Variants in PRKN observed in about 807,000 individuals in gnomAD.
PRKN encodes E3 ubiquitin-protein ligase parkin.
PRKN carries 56 observed loss-of-function variants against 59.5 expected under a neutral mutation model. That is an observed-to-expected ratio of 0.94 (90% CI 0.76 to 1.18). The LOEUF is 1.18. PRKN is among the 50% of genes most tolerant of loss of function. The pLI, the probability that PRKN is intolerant of heterozygous loss-of-function variation, is 0.00. For synonymous variants in PRKN, 250 were observed against 222.1 expected, an observed-to-expected ratio of 1.13 and a Z score of -1.12; for missense variants, 657 against 596.4, an observed-to-expected ratio of 1.10 and a Z score of -1.06.
rs1256803015 is a variant in PRKN at position 161,397,809 on chromosome 6, G to A, written c.1084-10932C>T. On this transcript the variant is annotated intron_variant, in intron 9 of 11. Coordinates refer to ENST00000366898, the MANE Select transcript of PRKN (RefSeq NM_004562.3). This position sits in a 1 kb window ranked among gnomAD's most constrained non-coding sequence, Gnocchi z 4.2. ...GAGAGGTCAATCCTGAGTACAAGAG[G>A]AATAACTAAGACTTTCTGCCAGGGA... 6.6e-6 allele frequency among the ~76,000 whole-genome samples: 1 copy of A among 152,110 alleles called. No homozygotes were observed. Among genetic ancestry groups the A allele is most frequent in the Non-Finnish European group, 1.5e-5 (1 of 68,026 alleles).
chr6:161,742,770 C>T (rs892286861), intron 7 of PRKN, among the ~76,000 whole-genome samples: 3 of 152,154 alleles, frequency 2.0e-5, no homozygotes, highest in Non-Finnish European at 2.9e-5. Context: ...TTCTCACAGC[C>T]GCGCAGAGTA....
chr6:162,234,811 T>C (rs753082165), intron 3 of PRKN, among the ~76,000 whole-genome samples: 19 of 152,206 alleles, frequency 1.2e-4, no homozygotes, highest in Non-Finnish European at 2.5e-4. Context: ...CTTGAAGAGC[T>C]GTCCTGTGGG....
intron 2 of PRKN, among the ~76,000 whole-genome samples, chr6:162,430,156 G>A (rs1016220661): frequency 7.4e-5 from 9 of 120,888 alleles, no homozygotes; most frequent in African/African-American, 2.8e-4. Flanking sequence ...TGATGATGAC[G>A]ATGACGACGA....
chr6:161,583,458 G>GT (rs200897316), intron 7 of PRKN, among the ~76,000 whole-genome samples: 148 of 148,866 alleles, frequency 9.9e-4, no homozygotes, highest in Admixed American at 1.7e-3. Context: ...TCATTTCCAG[G>GT]TTTTTTTTTT....
chr6:161,449,323 G>C (rs1029186679), intron 9 of PRKN, among the ~76,000 whole-genome samples: 8 of 151,998 alleles, frequency 5.3e-5, no homozygotes, highest in African/African-American at 1.9e-4. Context: ...CAAGTAACTA[G>C]GGAGAAAAAC....
chr6:161,743,298 C>T (rs1280054653), intron 7 of PRKN, among the ~76,000 whole-genome samples: 4 of 143,854 alleles, frequency 2.8e-5, no homozygotes, highest in African/African-American at 1.0e-4. Flanking sequence ...CGGCTCACTG[C>T]AAGCTCCGCC....
At chr6:162,018,395 G>A (rs1783009932) in intron 5 of PRKN, among the ~76,000 whole-genome samples, 1 of 152,152 alleles carries the variant, frequency 6.6e-6, no homozygotes, top group African/African-American at 2.4e-5. Context: ...AAATGCACAT[G>A]TGCTCATATC....
At chr6:161,836,499 A>G (rs1370694342) in intron 6 of PRKN, among the ~76,000 whole-genome samples, 2 of 152,218 alleles carry the variant, frequency 1.3e-5, no homozygotes, top group Non-Finnish European at 2.9e-5. Flanking sequence ...CGTGAATGAG[A>G]GTTCAGGGAA....
chr6:161,728,532 C>A (rs1202335233), intron 7 of PRKN, among the ~76,000 whole-genome samples: 1 of 152,108 alleles, frequency 6.6e-6, no homozygotes, highest in Non-Finnish European at 1.5e-5. Context: ...CCAGGCTGCA[C>A]ACGTACTGTA....
chr6:161,612,084 C>T (rs1286055300), intron 7 of PRKN, among the ~76,000 whole-genome samples: 1 of 152,138 alleles, frequency 6.6e-6, no homozygotes, highest in Non-Finnish European at 1.5e-5. Context: ...AGCTGCATAA[C>T]AAAAGTTTGA....
chr6:162,099,098 A>T (rs1779862464), intron 4 of PRKN, among the ~76,000 whole-genome samples: 1 of 152,212 alleles, frequency 6.6e-6, no homozygotes, highest in African/African-American at 2.4e-5. Context: ...GAAGAAAATT[A>T]ATTGAGGCCA....
chr6:162,582,885 G>T (rs979936656), intron 1 of PRKN, among the ~76,000 whole-genome samples: 2 of 152,190 alleles, frequency 1.3e-5, no homozygotes, highest in South Asian at 4.1e-4. Context: ...GAAAGACAGT[G>T]TTTATGAAAA....
intron 4 of PRKN, among the ~76,000 whole-genome samples, chr6:162,173,795 T>A (rs1261077025): frequency 6.6e-6 from 1 of 152,196 alleles, no homozygotes; most frequent in South Asian, 2.1e-4. Flanking sequence ...TTCATCTCTA[T>A]AATGGAATTG....
At chr6:161,708,680 T>G (rs372804124) in intron 7 of PRKN, among the ~76,000 whole-genome samples, 2 of 152,214 alleles carry the variant, frequency 1.3e-5, no homozygotes, top group African/African-American at 4.8e-5. Flanking sequence ...TGCCCTAGAT[T>G]ATCTCATATA....
intron 4 of PRKN, among the ~76,000 whole-genome samples, chr6:162,197,686 G>A (rs966622865): frequency 2.0e-5 from 3 of 152,076 alleles, no homozygotes; most frequent in African/African-American, 7.2e-5. Context: ...CACTGGATGA[G>A]AATTGGAGAA....
chr6:161,938,532 T>A (rs1368292967), intron 6 of PRKN, among the ~76,000 whole-genome samples: 1 of 152,212 alleles, frequency 6.6e-6, no homozygotes, highest in Non-Finnish European at 1.5e-5. Flanking sequence ...ATATAACTAA[T>A]TAGGCCCAAA....
intron 6 of PRKN, among the ~76,000 whole-genome samples, chr6:161,972,086 C>A (rs1446591845): frequency 6.6e-6 from 1 of 152,026 alleles, no homozygotes; most frequent in Non-Finnish European, 1.5e-5. Flanking sequence ...CCAGCCTGAC[C>A]AATATGAAGA....
chr6:161,651,505 A>T (rs991844591), intron 7 of PRKN, among the ~76,000 whole-genome samples: 1 of 152,196 alleles, frequency 6.6e-6, no homozygotes, highest in Non-Finnish European at 1.5e-5. Flanking sequence ...TTAGCCACTT[A>T]GGCATTTTCA....
chr6:162,451,781 C>T (rs1160855859), intron 1 of PRKN, among the ~76,000 whole-genome samples: 1 of 150,116 alleles, frequency 6.7e-6, no homozygotes, highest in Non-Finnish European at 1.5e-5. Flanking sequence ...TTGTTGGAGT[C>T]ACAAAGAAAA....
Sources: gnomAD v4.1 joint callset for allele counts (sites outside exome capture counted in the v4.1 genomes callset) on GRCh38, gnomAD v4.1.1 for gene constraint, Gnocchi (gnomAD v3.1) non-coding constraint, MANE v1.5 for transcripts, NCBI Gene and HGNC (gene_info 2026-07-23, HGNC 2026-07-21) for gene names.